MBNL2: variants seen among roughly 807,000 people sequenced by gnomAD.
MBNL2 encodes the protein muscleblind-like protein 2.
A neutral mutation model predicts 41.9 loss-of-function variants in MBNL2; 17 were observed. The ratio of observed to expected loss-of-function variants is 0.41; its 90% CI spans 0.28 to 0.61. The LOEUF (loss-of-function observed/expected upper bound fraction) is 0.61. MBNL2 is among the 20% of genes least tolerant of loss of function. The pLI, the probability that MBNL2 is intolerant of heterozygous loss-of-function variation, is 0.35. For synonymous variants in MBNL2, 195 were observed against 182.9 expected (o/e 1.07, Z -0.53); for missense variants, 336 against 505.6 (o/e 0.66, Z 3.22).
chr13:97,290,976 G>T (rs1029555273), intron 2 of MBNL2, among the ~76,000 whole-genome samples: 2 of 152,118 alleles, frequency 1.3e-5, no homozygotes, highest in African/African-American at 4.8e-5. Flanking sequence ...CAAGAGGCCT[G>T]ACATCATGAG....
At chr13:97,374,339 G>T (rs1255064892) in intron 8 of MBNL2, among the ~76,000 whole-genome samples, 1 of 151,100 alleles carries the variant, frequency 6.6e-6, no homozygotes, top group East Asian at 2.0e-4. Context: ...AGTAGAGACG[G>T]GGTTTCACCG....
At chr13:97,241,086 G>A (rs1378748695) in intron 1 of MBNL2, among the ~76,000 whole-genome samples, 1 of 152,192 alleles carries the variant, frequency 6.6e-6, no homozygotes, top group African/African-American at 2.4e-5. Flanking sequence ...GGTCCCTCAG[G>A]AAAGGTTAGC....
chr13:97,351,916 G>A (rs1020824398), intron 5 of MBNL2, among the ~76,000 whole-genome samples: 4 of 151,974 alleles, frequency 2.6e-5, no homozygotes, highest in Admixed American at 6.6e-5. Flanking sequence ...CCAGCTACTC[G>A]AAGAGCTGAG....
the MBNL2 span, among the ~76,000 whole-genome samples, chr13:97,180,561 C>A: frequency 0.026 from 3,883 of 151,754 alleles, 75 homozygotes; most frequent in Non-Finnish European, 0.039. Context: ...ATGGTGAAAC[C>A]CTTCTCTACT....
intron 8 of MBNL2, among the ~76,000 whole-genome samples, chr13:97,388,021 C>A (rs2066069927): frequency 6.6e-6 from 1 of 152,034 alleles, no homozygotes; most frequent in African/African-American, 2.4e-5. Context: ...GAACTTTGGG[C>A]ACCAGCTTTG....
intron 1 of MBNL2, among the ~76,000 whole-genome samples, chr13:97,242,779 T>TCC (rs769718859): frequency 7.3e-5 from 11 of 150,536 alleles, no homozygotes; most frequent in African/African-American, 2.5e-4. Flanking sequence ...TTTTTTTTTT[T>TCC]CCCCCCTCCT....
chr13:97,205,157 T>C, the MBNL2 span, among the ~76,000 whole-genome samples: 7 of 141,184 alleles, frequency 5.0e-5, no homozygotes, highest in South Asian at 2.3e-4. Flanking sequence ...GGAGACAGAG[T>C]GAGACTCTGT....
chr13:97,284,410 G>T (rs572387015), intron 2 of MBNL2, among the ~76,000 whole-genome samples: 2 of 152,212 alleles, frequency 1.3e-5, no homozygotes, highest in Non-Finnish European at 1.5e-5. Flanking sequence ...TGGCCATCTT[G>T]CTGTGTGTCT....
chr13:97,291,917 A>AAAAAAAAAAAAAAAAAT (rs398070410), intron 2 of MBNL2, among the ~76,000 whole-genome samples: 6 of 125,424 alleles, frequency 4.8e-5, no homozygotes, highest in African/African-American at 1.8e-4. Context: ...AAAAAAAAAA[A>AAAAAAAAAAAAAAAAAT]GTGGGCTGGG....
chr13:97,281,524 C>T (rs1245423456), intron 2 of MBNL2, among the ~76,000 whole-genome samples: 2 of 152,164 alleles, frequency 1.3e-5, no homozygotes, highest in Non-Finnish European at 2.9e-5. Context: ...GTGTAAGTTG[C>T]TCATTTACCT....
At chr13:97,339,518 TCAGA>T (rs1171926322) in intron 3 of MBNL2, among the ~76,000 whole-genome samples, 1 of 152,130 alleles carries the variant, frequency 6.6e-6, no homozygotes, top group Non-Finnish European at 1.5e-5. Context: ...GGATCCTGTC[TCAGA>T]CAGCCTGGCA....
At chr13:97,299,150 T>C (rs910864542) in intron 2 of MBNL2, among the ~76,000 whole-genome samples, 6 of 152,184 alleles carry the variant, frequency 3.9e-5, no homozygotes, top group Non-Finnish European at 8.8e-5. Context: ...CATTGATGGT[T>C]TTTGTTAGTA....
chr13:97,179,221 C>G, the MBNL2 span: 3 of 152,294 alleles, frequency 2.0e-5, no homozygotes, highest in Admixed American at 6.5e-5. Context: ...TTCTCACTGG[C>G]CACTTAGTTA....
chr13:97,274,287 G>A (rs1173363457), intron 1 of MBNL2, among the ~76,000 whole-genome samples: 1 of 152,050 alleles, frequency 6.6e-6, no homozygotes, highest in Non-Finnish European at 1.5e-5. Flanking sequence ...TCAAGAGTTC[G>A]AAACCAGCCT....
At chr13:97,184,573 C>G in the MBNL2 span, among the ~76,000 whole-genome samples, 1 of 152,200 alleles carries the variant, frequency 6.6e-6, no homozygotes, top group Non-Finnish European at 1.5e-5. Flanking sequence ...ACCTCCACCT[C>G]CTGGGTTCAA....
intron 2 of MBNL2, among the ~76,000 whole-genome samples, chr13:97,319,548 G>C (rs745796018): frequency 2.0e-5 from 3 of 152,092 alleles, no homozygotes; most frequent in South Asian, 4.2e-4. Context: ...CCCGTGTCAC[G>C]GGTGAGACTC....
At chr13:97,287,079 A>G (rs530460298) in intron 2 of MBNL2, among the ~76,000 whole-genome samples, 1 of 152,310 alleles carries the variant, frequency 6.6e-6, no homozygotes, top group African/African-American at 2.4e-5. Context: ...AGTTTTTCCC[A>G]TTAATGTACA....
the MBNL2 span, among the ~76,000 whole-genome samples, chr13:97,144,420 C>CTTTTTTTTT: frequency 4.6e-5 from 4 of 87,602 alleles, no homozygotes; most frequent in African/African-American, 2.2e-4. Context: ...AGACATGATA[C>CTTTTTTTTT]TTCTTTTTTT....
intron 1 of MBNL2, among the ~76,000 whole-genome samples, chr13:97,249,071 C>G (rs897865260): frequency 6.6e-6 from 1 of 152,092 alleles, no homozygotes; most frequent in South Asian, 2.1e-4. Flanking sequence ...TACCTTGATA[C>G]TTAGTTTTTA....
Sources: allele counts gnomAD v4.1 joint callset (sites outside exome capture counted in the v4.1 genomes callset), GRCh38; gene constraint gnomAD v4.1.1; transcripts MANE v1.5; gene names NCBI Gene and HGNC (gene_info 2026-07-23, HGNC 2026-07-21).